The following SNTB1 variants were observed in gnomAD, a reference collection of about 807,000 sequenced individuals.
SNTB1 encodes the protein beta-1-syntrophin.
A neutral mutation model predicts 48.9 loss-of-function variants in SNTB1; 36 were observed. The observed-to-expected ratio is 0.74, with a 90% CI of 0.56 to 0.97. The LOEUF is 0.97. SNTB1 is among the 50% of genes least tolerant of loss of function. The pLI is 0.00. For missense variants in SNTB1, 786 were observed against 703.4 expected (o/e 1.12, Z -1.33); for synonymous variants, 299 against 294.6 (o/e 1.01, Z -0.15).
intron 1 of SNTB1, among the ~76,000 whole-genome samples, chr8:120,710,751 A>G (rs1056149919): frequency 6.6e-6 from 1 of 152,144 alleles, no homozygotes; most frequent in African/African-American, 2.4e-5. Context: ...CTCCCCAGAC[A>G]CCAAACCTAT....
intron 1 of SNTB1, among the ~76,000 whole-genome samples, chr8:120,704,593 C>T (rs931686718): frequency 4.6e-5 from 7 of 152,080 alleles, no homozygotes; most frequent in African/African-American, 9.6e-5. Flanking sequence ...CTGGAACTAC[C>T]GAGATCTTGC....
chr8:120,693,789 A>T lies in SNTB1; in HGVS notation c.691T>A (p.Ser231Thr). ...CTGTGGAAGGAGAAGGACTGCGATGACGGGGGGTCTGAGGTGCTGCCCCCT... is the reference window on the plus strand; with the variant it reads ...CTGTGGAAGGAGAAGGACTGCGATGTCGGGGGGTCTGAGGTGCTGCCCCCT... ...RLGGSTSDPP[S>T]SQSFSFHRDR... is the part of the protein sequence containing the mutation. Residue 231 changes from serine to threonine, a missense_variant, in exon 2 of 7, where the codon TCA becomes ACA. Ser to Thr is a moderately conservative substitution (Grantham distance 58). Transcript: ENST00000517992. The T allele has an allele frequency of 6.2e-7, 1 of 1,613,976 alleles. No individual in the cohort carries two copies. The highest frequency in any genetic ancestry group is 8.5e-7 in the Non-Finnish European group (1 of 1,179,946).
intron 2 of SNTB1, among the ~76,000 whole-genome samples, chr8:120,641,692 C>A (rs1050033614): frequency 6.6e-6 from 1 of 152,138 alleles, no homozygotes; most frequent in Non-Finnish European, 1.5e-5. Context: ...AGGTGTCCAC[C>A]TCAACTGTAT....
chr8:120,775,571 GAA>G (rs1347491650), intron 1 of SNTB1: 4 of 150,742 alleles, frequency 2.7e-5, no homozygotes, highest in African/African-American at 9.8e-5. Flanking sequence ...GACAGAGAAA[GAA>G]AAAAAGAGAG....
intron 1 of SNTB1, among the ~76,000 whole-genome samples, chr8:120,714,296 G>A (rs2129927529): frequency 6.6e-6 from 1 of 152,210 alleles, no homozygotes; most frequent in South Asian, 2.1e-4. Flanking sequence ...CCATAATGCT[G>A]TCTTCAGAAA....
intron 1 of SNTB1, among the ~76,000 whole-genome samples, chr8:120,747,156 T>C (rs1465917109): frequency 1.3e-5 from 2 of 152,214 alleles, no homozygotes; most frequent in Non-Finnish European, 2.9e-5. Flanking sequence ...ATACCCCATA[T>C]ACACCATGGA....
intron 1 of SNTB1, among the ~76,000 whole-genome samples, chr8:120,718,012 G>C (rs535714122): frequency 6.6e-6 from 1 of 152,180 alleles, no homozygotes; most frequent in Admixed American, 6.5e-5. Flanking sequence ...TTTATTCTTA[G>C]AGGGCTGTGC....
At chr8:120,782,464 A>G (rs576182417) in intron 1 of SNTB1, among the ~76,000 whole-genome samples, 1 of 152,150 alleles carries the variant, frequency 6.6e-6, no homozygotes, top group Non-Finnish European at 1.5e-5. Context: ...CTGAAATACA[A>G]CATTTATTGG....
At chr8:120,664,072 T>C (rs1488245164) in intron 2 of SNTB1, among the ~76,000 whole-genome samples, 1 of 152,128 alleles carries the variant, frequency 6.6e-6, no homozygotes, top group East Asian at 1.9e-4. Flanking sequence ...GTGAGGCGGA[T>C]GGTACCAAAA....
rs571398620 is a variant in SNTB1 at position 120,797,908 on chromosome 8, G to C, written c.571+13365C>G. Among the ~76,000 whole-genome samples the C allele has an allele frequency of 3.9e-5, 6 of 151,998 alleles. No individual in the cohort carries two copies. The South Asian group carries it at 1.2e-3, about 32-fold the overall frequency. On this transcript the variant is annotated intron_variant, in intron 1 of 6. Transcript: ENST00000517992. ...GCTGGTTTGTACACCTTTATTCCAC[G>C]CCTAGCTTTTGATCGTCACTCTGTG...
At chr8:120,778,927 T>G (rs1819784553) in intron 1 of SNTB1, among the ~76,000 whole-genome samples, 1 of 152,214 alleles carries the variant, frequency 6.6e-6, no homozygotes, top group Non-Finnish European at 1.5e-5. Context: ...TGCATCTGTT[T>G]GGCAGGCTCA....
At position 120,594,230 on chromosome 8, in the gene SNTB1, T is replaced by TTATG. The variant is rs548729884; in HGVS notation, c.997-19009_997-19006dup. Among the ~76,000 whole-genome samples the TTATG allele has an allele frequency of 1.5e-3, 229 of 151,320 alleles. 1 individual carries two copies. Among genetic ancestry groups the TTATG allele is most frequent in the Middle Eastern group, 3.4e-3 (1 of 294 alleles). On this transcript the variant is annotated intron_variant, in intron 3 of 6. Coordinates refer to ENST00000517992, the MANE Select transcript of SNTB1 (RefSeq NM_021021.4). ...AGGGGCATCCCACCGCACTGAGCTA[T>TTATG]TATGTATGTATGTATGTATGTTTTG...
chr8:120,548,774 C>A lies in SNTB1; in HGVS notation c.1321G>T (p.Glu441Ter). Reference sequence around the variant, plus strand: ...CTGCAGTACTCACCAGTGCTGATTTCAGCAATGAGTTCAGCAGAATTGTGG... The same window carrying A: ...CTGCAGTACTCACCAGTGCTGATTTAAGCAATGAGTTCAGCAGAATTGTGG... ...GCHNSAELIA[E>*]ISTACTYKNQ... The change falls in exon 5 of 7, where the codon GAA (glutamate) becomes TAA (stop). Residue 441 changes from glutamate to a stop codon, truncating the protein, a stop_gained. Transcript: ENST00000517992. LOFTEE classifies it high-confidence loss of function. The A allele has an allele frequency of 6.2e-7, 1 of 1,614,068 alleles. No homozygotes were observed. The highest frequency in any genetic ancestry group is 8.5e-7 in the Non-Finnish European group (1 of 1,179,976).
chr8:120,640,394 G>T (rs1478636411), intron 2 of SNTB1, among the ~76,000 whole-genome samples: 1 of 152,108 alleles, frequency 6.6e-6, no homozygotes, highest in Admixed American at 6.6e-5. Context: ...TGATTGCCCT[G>T]GCCAGAAGTT....
chr8:120,586,874 G>T lies in SNTB1; in HGVS notation c.997-11649C>A, dbSNP rs555616042. 7.2e-5 allele frequency among the ~76,000 whole-genome samples: 11 copies of T among 152,276 alleles called. No individual in the cohort carries two copies. In the South Asian group the frequency reaches 1.9e-3, roughly 26 times the overall value. On this transcript the variant is annotated intron_variant, in intron 3 of 6. Transcript: ENST00000517992. ...GAAGGTAGATAAAATAGTGACAATT[G>T]TTGAAACTGGAGGTTCATTATTGTT...
chr8:120,766,693 C>T (rs1819530551), intron 1 of SNTB1, among the ~76,000 whole-genome samples: 1 of 152,122 alleles, frequency 6.6e-6, no homozygotes, highest in East Asian at 1.9e-4. Flanking sequence ...TACTGTATAG[C>T]GCTATAATTG....
chr8:120,673,369 C>T (rs1817786503), intron 2 of SNTB1, among the ~76,000 whole-genome samples: 1 of 151,706 alleles, frequency 6.6e-6, no homozygotes, highest in African/African-American at 2.4e-5. Context: ...CGGCTCACTG[C>T]AACCTCCGTC....
At chr8:120,646,706 T>C (rs1196339998) in intron 2 of SNTB1, among the ~76,000 whole-genome samples, 2 of 151,588 alleles carry the variant, frequency 1.3e-5, no homozygotes, top group Non-Finnish European at 3.0e-5. Context: ...GATTCCCTCT[T>C]TTTCTATTGA....
chr8:120,568,813 C>T (rs993882531), intron 4 of SNTB1, among the ~76,000 whole-genome samples: 1 of 152,228 alleles, frequency 6.6e-6, no homozygotes, highest in African/African-American at 2.4e-5. Flanking sequence ...TATCATTCCT[C>T]ATAGGGTTAA....
Sources: gnomAD v4.1 joint callset for allele counts (sites outside exome capture counted in the v4.1 genomes callset) on GRCh38, gnomAD v4.1.1 for gene constraint, MANE v1.5 for transcripts, NCBI Gene and HGNC (gene_info 2026-07-23, HGNC 2026-07-21) for gene names.